DPYD: variants seen among roughly 807,000 people sequenced by gnomAD.
DPYD encodes dihydropyrimidine dehydrogenase, also known as dihydropyrimidine dehydrogenase [NADP(+)].
DPYD carries 109 observed loss-of-function variants against 116.2 expected under a neutral mutation model. That is an observed-to-expected ratio of 0.94 (90% confidence interval 0.80 to 1.10). DPYD has a LOEUF of 1.10. Ranked by LOEUF, DPYD falls within the 50% of genes least tolerant of loss-of-function variation. DPYD has a pLI of 0.00. For missense variants in DPYD, 1,302 were observed against 1,254.5 expected (o/e 1.04, Z -0.57); for synonymous variants, 440 against 432.0 (o/e 1.02, Z -0.23).
At chr1:97,690,722 A>AT (rs1660968985) in intron 7 of DPYD, among the ~76,000 whole-genome samples, 1 of 152,066 alleles carries the variant, frequency 6.6e-6, no homozygotes, top group Non-Finnish European at 1.5e-5. Flanking sequence ...TAAATTATCT[A>AT]TTTTGAACAC....
rs997530054 is a variant in DPYD at position 97,296,947 on chromosome 1, A to G, written c.2299+8312T>C. Among the ~76,000 whole-genome samples the G allele has an allele frequency of 2.6e-5, 4 of 152,302 alleles. No individual in the cohort carries two copies. In the East Asian group the frequency reaches 7.7e-4, roughly 29 times the overall value. ...AGGTTTATTTAAAAAATGCTGAAAC[A>G]ATTTCATTTAAAGAATTCATATTTG... On this transcript the variant is annotated intron_variant, in intron 18 of 22. Transcript: ENST00000370192.
intron 8 of DPYD, among the ~76,000 whole-genome samples, chr1:97,655,611 G>A (rs1301336841): frequency 1.3e-5 from 2 of 152,056 alleles, no homozygotes; most frequent in African/African-American, 4.8e-5. Flanking sequence ...TTAAAATTTT[G>A]GTGACAACAA....
rs1272243287 is a variant in DPYD at position 97,464,258 on chromosome 1, TAAAATAAAATAAA to T, written c.1741-14048_1741-14036del. On this transcript the variant is annotated intron_variant, in intron 13 of 22. Coordinates refer to ENST00000370192, the MANE Select transcript of DPYD (RefSeq NM_000110.4). ...TGTCTCAAAATAAAATAAAATAAAA[TAAAATAAAATAAA>T]ATAAAATAAAATAAAGAAAAGAAAA... 4.2e-5 allele frequency among the ~76,000 whole-genome samples: 6 copies of T among 143,096 alleles called. No homozygotes were observed. In the East Asian group the frequency reaches 8.3e-4, roughly 20 times the overall value. The allele number at this position is 143,096 out of a possible 152,430, so 93.9% of individuals were successfully genotyped here.
intron 12 of DPYD, among the ~76,000 whole-genome samples, chr1:97,532,968 T>C (rs539589607): frequency 6.6e-6 from 1 of 151,998 alleles, no homozygotes; most frequent in African/African-American, 2.4e-5. Context: ...ATGTTTAAAG[T>C]TAGGTTATTT....
chr1:97,595,084 T>C lies in DPYD; in HGVS notation c.933A>G (p.Pro311=). The change falls in exon 9 of 23, where the codon CCA becomes CCG. Residue 311 remains proline (P), a synonymous_variant. Transcript: ENST00000370192. ...CTGCTTTACTGCCTTTGGCTACAAG[T>C]GGCAAAAAGTCTTTGGATGTATAAA... is the stretch of plus-strand genomic sequence containing the variant. The part of the protein sequence containing the change: ...QGFYTSKDFL[P]LVAKGSKAGM... 6.2e-7 allele frequency: 1 copy of C among 1,613,592 alleles called. No homozygotes were observed. The highest frequency in any genetic ancestry group is 8.5e-7 in the Non-Finnish European group (1 of 1,179,598).
At chr1:97,201,861 C>T (rs1338088011) in intron 19 of DPYD, among the ~76,000 whole-genome samples, 5 of 151,262 alleles carry the variant, frequency 3.3e-5, no homozygotes, top group Non-Finnish European at 5.9e-5. Context: ...ATTTAAACTC[C>T]TTCTGAGATC....
At chr1:97,734,759 T>C (rs1663829869) in intron 4 of DPYD, among the ~76,000 whole-genome samples, 1 of 152,136 alleles carries the variant, frequency 6.6e-6, no homozygotes, top group Admixed American at 6.5e-5. Context: ...CTTAAAGGCA[T>C]TTGCCAAACC....
chr1:97,552,287 A>C (rs12145481), intron 11 of DPYD, among the ~76,000 whole-genome samples: 3 of 152,148 alleles, frequency 2.0e-5, no homozygotes, highest in Non-Finnish European at 4.4e-5. Context: ...GTGCTGAATA[A>C]ATGCTTCACA....
In DPYD at chr1:97,763,791, A is replaced by T. The variant is rs10218605; in HGVS notation, c.234-23312T>A. Reference sequence around the variant, plus strand: ...GTATTTGAAAAGAATATTTTAAAATAAAAAAGGCATCAAAATTCTCAATAT... The same window carrying T: ...GTATTTGAAAAGAATATTTTAAAATTAAAAAGGCATCAAAATTCTCAATAT... On this transcript the variant is annotated intron_variant, in intron 3 of 22. Transcript: ENST00000370192. Among the ~76,000 whole-genome samples, 353 of 152,234 alleles carry T rather than the reference A, an allele frequency of 2.3e-3. 5 individuals are homozygous for T. The highest frequency in any genetic ancestry group is 8.1e-3 in the African/African-American group (338 of 41,574).
chr1:97,408,268 C>T (rs951950502), intron 14 of DPYD, among the ~76,000 whole-genome samples: 2 of 152,124 alleles, frequency 1.3e-5, no homozygotes, highest in African/African-American at 4.8e-5. Context: ...TCATCAATAC[C>T]ACCTACGACC....
At chr1:97,674,115 G>A (rs1660016982) in intron 8 of DPYD, among the ~76,000 whole-genome samples, 1 of 152,280 alleles carries the variant, frequency 6.6e-6, no homozygotes, top group East Asian at 1.9e-4. Context: ...TACTTTTGTT[G>A]TGTGAACAGT....
intron 12 of DPYD, among the ~76,000 whole-genome samples, chr1:97,527,794 GAAAAAAAAA>G (rs35111926): frequency 7.1e-5 from 8 of 112,770 alleles, no homozygotes; most frequent in Admixed American, 2.8e-4. Flanking sequence ...ATGAAATTTG[GAAAAAAAAA>G]AAAAAAAAAA....
chr1:97,819,268 G>A (rs1668794396), intron 3 of DPYD, among the ~76,000 whole-genome samples: 1 of 151,892 alleles, frequency 6.6e-6, no homozygotes, highest in South Asian at 2.1e-4. Flanking sequence ...GGTTCCTGCT[G>A]ATCTATTTAG....
intron 2 of DPYD, 120 bp from the exon 3 acceptor site, chr1:97,828,316 C>A (rs1051813161): frequency 1.3e-5 from 11 of 826,470 alleles, no homozygotes; most frequent in East Asian, 5.4e-5. Flanking sequence ...ATATGCATAC[C>A]ACTTTAATTG....
rs538298373 is a variant in DPYD, at chr1:97,491,826, C to T, written c.1740+23900G>A. Among the ~76,000 whole-genome samples, 7 of 152,064 alleles carry T rather than the reference C, an allele frequency of 4.6e-5. No individual in the cohort carries two copies. In the East Asian group the frequency reaches 1.4e-3, roughly 29 times the overall value. ...AAAGATTTGATCTTACGGTTTTGCA[C>T]CATCATATTAAACATGTTTTTCCCC... On this transcript the variant is annotated intron_variant, in intron 13 of 22. Transcript: ENST00000370192.
intron 13 of DPYD, among the ~76,000 whole-genome samples, chr1:97,485,504 A>T (rs1193226395): frequency 6.6e-6 from 1 of 152,184 alleles, no homozygotes; most frequent in Non-Finnish European, 1.5e-5. Context: ...GCCCAGCCTG[A>T]CATACTCTTT....
chr1:97,418,731 T>A (rs1388584352), intron 14 of DPYD, among the ~76,000 whole-genome samples: 1 of 152,162 alleles, frequency 6.6e-6, no homozygotes, highest in Non-Finnish European at 1.5e-5. Flanking sequence ...ACCTTCTCAG[T>A]GCAAAAATAC....
intron 5 of DPYD, among the ~76,000 whole-genome samples, chr1:97,705,199 G>A (rs1279290867): frequency 6.6e-6 from 1 of 151,792 alleles, no homozygotes; most frequent in Non-Finnish European, 1.5e-5. Flanking sequence ...TGTTACATAT[G>A]TATACATGTG....
At chr1:97,805,765 G>A (rs1000130305) in intron 3 of DPYD, among the ~76,000 whole-genome samples, 8 of 151,818 alleles carry the variant, frequency 5.3e-5, no homozygotes, top group African/African-American at 1.7e-4. Context: ...TCAGCAAAAC[G>A]TTTAATGATC....
Sources: allele counts gnomAD v4.1 joint callset (sites outside exome capture counted in the v4.1 genomes callset), GRCh38; gene constraint gnomAD v4.1.1; transcripts MANE v1.5; gene names NCBI Gene and HGNC (gene_info 2026-07-23, HGNC 2026-07-21).